The following UTRN variants were observed in gnomAD, a reference collection of about 807,000 sequenced individuals.
UTRN encodes the protein utrophin, also known as dystrophin-related protein 1.
A neutral mutation model predicts 463.9 loss-of-function variants in UTRN; 283 were observed. That is an observed-to-expected ratio of 0.61 (90% CI 0.55 to 0.67). The LOEUF (loss-of-function observed/expected upper bound fraction) is 0.67. Ranked by LOEUF, UTRN falls within the 30% of genes least tolerant of loss-of-function variation. UTRN has a pLI of 0.00. For synonymous variants in UTRN, 1,442 were observed against 1,431.5 expected, an observed-to-expected ratio of 1.01 and a Z score of -0.17; for missense variants, 3,922 against 4,084.3, an observed-to-expected ratio of 0.96 and a Z score of 1.08.
intron 51 of UTRN, among the ~76,000 whole-genome samples, chr6:144,675,076 T>C (rs1454057960): frequency 2.0e-5 from 3 of 152,206 alleles, no homozygotes; most frequent in African/African-American, 4.8e-5. Flanking sequence ...CCTTCTCATT[T>C]GAATAAACTG....
chr6:144,800,769 A>C, intron 64 of UTRN, among the ~76,000 whole-genome samples: 1 of 147,578 alleles, frequency 6.8e-6, no homozygotes, highest in South Asian at 2.3e-4. Context: ...ATAGTAGCTA[A>C]ACCTATGAGT....
At chr6:144,640,575 C>T (rs1777666461) in intron 51 of UTRN, among the ~76,000 whole-genome samples, 1 of 152,088 alleles carries the variant, frequency 6.6e-6, no homozygotes, top group Admixed American at 6.5e-5. Flanking sequence ...TATCTCATAA[C>T]TTACAGATTT....
chr6:144,322,303 A>G (rs9484867), intron 2 of UTRN, among the ~76,000 whole-genome samples: 13,367 of 152,054 alleles, frequency 0.088, 1,939 homozygotes, highest in African/African-American at 0.3. Flanking sequence ...TTGTGTAGCA[A>G]GTGATCTTGG....
intron 51 of UTRN, among the ~76,000 whole-genome samples, chr6:144,607,717 A>G (rs1562641927): frequency 6.6e-6 from 1 of 152,180 alleles, no homozygotes; most frequent in Non-Finnish European, 1.5e-5. Flanking sequence ...TGTATAAACT[A>G]CAGTACATTT....
chr6:144,664,057 G>A (rs1023778660), intron 51 of UTRN, among the ~76,000 whole-genome samples: 1 of 152,162 alleles, frequency 6.6e-6, no homozygotes, highest in Non-Finnish European at 1.5e-5. Flanking sequence ...GCATAATTAA[G>A]CAAAAGTAGA....
At chr6:144,510,872 A>G (rs1795107583) in intron 34 of UTRN, 72 bp from the exon 35 acceptor site, 2 of 1,303,390 alleles carry the variant, frequency 1.5e-6, no homozygotes. Context: ...AAAGTTTTTA[A>G]TAATTTAAGG....
At chr6:144,701,950 A>T (rs2128698775) in intron 53 of UTRN, among the ~76,000 whole-genome samples, 1 of 152,308 alleles carries the variant, frequency 6.6e-6, no homozygotes, top group African/African-American at 2.4e-5. Flanking sequence ...GCAAGATAAT[A>T]ATAATAATAG....
intron 73 of UTRN, among the ~76,000 whole-genome samples, chr6:144,841,208 A>G (rs1781547676): frequency 6.6e-6 from 1 of 152,242 alleles, no homozygotes; most frequent in Non-Finnish European, 1.5e-5. Flanking sequence ...CAAGGCATGG[A>G]AACAGCCTTT....
intron 51 of UTRN, among the ~76,000 whole-genome samples, chr6:144,599,286 A>G (rs1370464507): frequency 6.6e-6 from 1 of 152,200 alleles, no homozygotes; most frequent in African/African-American, 2.4e-5. Flanking sequence ...AGAGTACTCA[A>G]TTAAGTAGTT....
At chr6:144,450,920 C>A (rs143307463) in intron 17 of UTRN, among the ~76,000 whole-genome samples, 1 of 152,162 alleles carries the variant, frequency 6.6e-6, no homozygotes, top group Non-Finnish European at 1.5e-5. Flanking sequence ...TGAGGTCAGC[C>A]TGGCCAACAT....
intron 2 of UTRN, among the ~76,000 whole-genome samples, chr6:144,326,920 C>G (rs1776009890): frequency 6.6e-6 from 1 of 152,156 alleles, no homozygotes; most frequent in Non-Finnish European, 1.5e-5. Context: ...CCAAACTTGG[C>G]ATTCTTTCTG....
rs369042990 is a variant in UTRN, at chr6:144,586,019, T to G, written c.7479+8731T>G. On this transcript the variant is annotated intron_variant, in intron 51 of 74. Transcript: ENST00000367545. ...ATATTTTTATCTTCTTTTAAATTCC[T>G]CTTGAGGATCATTCTTTTTATGTAT... 9.2e-5 allele frequency among the ~76,000 whole-genome samples: 14 copies of G among 152,262 alleles called. No individual in the cohort carries two copies. In the East Asian group the frequency reaches 9.6e-4, roughly 10 times the overall value.
intron 13 of UTRN, among the ~76,000 whole-genome samples, chr6:144,441,431 A>G (rs533219611): frequency 4.0e-4 from 61 of 152,332 alleles, no homozygotes; most frequent in African/African-American, 1.3e-3. Context: ...AAGCTTCAAA[A>G]TGATCTCCTT....
chr6:144,488,771 C>T lies in UTRN; in HGVS notation c.4071C>T (p.Asp1357=), dbSNP rs1367628280. 1.2e-6 allele frequency: 2 copies of T among 1,612,896 alleles called. No individual in the cohort carries two copies. Among genetic ancestry groups the T allele is most frequent in the Non-Finnish European group, 1.7e-6 (2 of 1,179,288 alleles). ...QVLQESLGEL[D]KQLTTYLTDR... ...TGCAAGAGAGCTTGGGGGAGCTGGA[C>T]AAACAGCTCACCACATACCTGACTG... Residue 1357 remains aspartate (D), a synonymous_variant, in exon 30 of 75, where the codon GAC becomes GAT. Transcript: ENST00000367545.
chr6:144,670,580 T>C (rs191118547), intron 51 of UTRN, among the ~76,000 whole-genome samples: 1 of 152,196 alleles, frequency 6.6e-6, no homozygotes, highest in East Asian at 1.9e-4. Context: ...TGTGACTCTA[T>C]GGGCTGTCCA....
intron 51 of UTRN, among the ~76,000 whole-genome samples, chr6:144,636,284 C>G (rs1777165274): frequency 6.6e-6 from 1 of 151,922 alleles, no homozygotes; most frequent in African/African-American, 2.4e-5. Context: ...AGCAAACTCA[C>G]ACAGGAACAG....
intron 53 of UTRN, chr6:144,706,615 A>G (rs1785127952): frequency 2.0e-5 from 3 of 152,276 alleles, no homozygotes; most frequent in South Asian, 2.1e-4. Flanking sequence ...TAATATTCCA[A>G]TGACATTCTG....
intron 49 of UTRN, among the ~76,000 whole-genome samples, chr6:144,556,872 A>G (rs1341479334): frequency 6.6e-6 from 1 of 152,240 alleles, no homozygotes; most frequent in Non-Finnish European, 1.5e-5. Context: ...GAAGGAATGA[A>G]AAAGACAAAT....
At chr6:144,734,693 C>G (rs985129090) in intron 54 of UTRN, among the ~76,000 whole-genome samples, 2 of 152,226 alleles carry the variant, frequency 1.3e-5, no homozygotes, top group African/African-American at 2.4e-5. Flanking sequence ...CTTTCCTGGT[C>G]TAAGCCCCCA....
Sources: gnomAD v4.1 joint callset for allele counts (sites outside exome capture counted in the v4.1 genomes callset) on GRCh38, gnomAD v4.1.1 for gene constraint, MANE v1.5 for transcripts, NCBI Gene and HGNC (gene_info 2026-07-23, HGNC 2026-07-21) for gene names.